SLC12A3: variants seen among roughly 807,000 people sequenced by gnomAD.
SLC12A3 encodes the protein Na-Cl cotransporter.
Under a neutral mutation model 121.0 loss-of-function variants are expected in SLC12A3, and 104 were observed. The ratio of observed to expected loss-of-function variants is 0.86; its 90% CI spans 0.73 to 1.01. SLC12A3 has a LOEUF of 1.01. Ranked by LOEUF, SLC12A3 falls within the 50% of genes least tolerant of loss-of-function variation. The pLI, the probability that SLC12A3 is intolerant of heterozygous loss-of-function variation, is 0.00. For missense variants in SLC12A3, 1,328 were observed against 1,356.3 expected (o/e 0.98, Z 0.33); for synonymous variants, 536 against 533.4 (o/e 1.00, Z -0.07).
intron 25 of SLC12A3, among the ~76,000 whole-genome samples, chr16:56,909,084 C>G (rs1213618268): frequency 8.5e-5 from 13 of 152,198 alleles, no homozygotes; most frequent in Admixed American, 7.9e-4. Context: ...CTCTTTCATG[C>G]TAACATGCTG....
intron 11 of SLC12A3, 62 bp from the exon 12 acceptor site, chr16:56,880,067 GC>G: frequency 6.3e-7 from 1 of 1,586,520 alleles, no homozygotes. Context: ...AGCTCAGGTG[GC>G]CCCAGGGGAG....
chr16:56,866,963 CG>C (rs1964368862), intron 1 of SLC12A3, 106 bp from the exon 2 acceptor site: 8 of 1,463,474 alleles, frequency 5.5e-6, no homozygotes, highest in East Asian at 4.5e-5. Context: ...GCTGAGGGGT[CG>C]GGGGGTGCTC....
intron 19 of SLC12A3, 51 bp downstream of exon 19, chr16:56,890,407 T>C (rs1185701214): frequency 2.0e-6 from 3 of 1,495,462 alleles, no homozygotes. Context: ...ACATTTTTTG[T>C]TTTTAAATGG....
intron 17 of SLC12A3, among the ~76,000 whole-genome samples, chr16:56,887,516 A>G (rs548475081): frequency 6.6e-6 from 1 of 151,704 alleles, no homozygotes; most frequent in African/African-American, 2.4e-5. Flanking sequence ...CAGAGCCCCA[A>G]CTTTCTTATG....
At chr16:56,882,722 C>A (rs537389799) in intron 13 of SLC12A3, among the ~76,000 whole-genome samples, 2 of 152,110 alleles carry the variant, frequency 1.3e-5, no homozygotes, top group South Asian at 4.2e-4. Flanking sequence ...GTGGGCGGAT[C>A]ACTTGAGGTC....
chr16:56,892,240 G>C, intron 20 of SLC12A3, 107 bp downstream of exon 20: 1 of 1,001,108 alleles, frequency 1.0e-6, no homozygotes, highest in Non-Finnish European at 1.6e-6. Context: ...ACTTGGTCGA[G>C]GACAGGTGGT....
chr16:56,884,034 G>T lies in SLC12A3; in HGVS notation c.1670-15G>T, dbSNP rs766086251. 6.2e-7 allele frequency: 1 copy of T among 1,614,066 alleles called. No individual in the cohort carries two copies. Among genetic ancestry groups the T allele is most frequent in the Non-Finnish European group, 8.5e-7 (1 of 1,179,968 alleles). On this transcript the variant is annotated splice_polypyrimidine_tract_variant and intron_variant, in intron 13 of 25. Coordinates refer to ENST00000563236, the MANE Select transcript of SLC12A3 (RefSeq NM_001126108.2). ...GACTGCCAGGCATGCCCACTGACTGGTGCCCTTGGCCCAGGGTGGAGACCT... is the reference window on the plus strand; with the variant it reads ...GACTGCCAGGCATGCCCACTGACTGTTGCCCTTGGCCCAGGGTGGAGACCT...
chr16:56,866,798 G>T (rs1303289252), intron 1 of SLC12A3, among the ~76,000 whole-genome samples: 1 of 152,296 alleles, frequency 6.6e-6, no homozygotes, highest in African/African-American at 2.4e-5. Context: ...AGTAGAGACA[G>T]GGTTTTACCT....
chr16:56,884,131 C>T lies in SLC12A3; in HGVS notation c.1752C>T (p.Leu584=), dbSNP rs1435944214. Residue 584 remains leucine, a synonymous_variant, in exon 14 of 26, where the codon CTC becomes CTT. Coordinates refer to ENST00000563236, the MANE Select transcript of SLC12A3 (RefSeq NM_001126108.2). Reference sequence around the variant, plus strand: ...TCTCCGTGGTCATCATGTTCCTCCTCACCTGGTGGGCGGCCCTCATCGCCA... The same window carrying T: ...TCTCCGTGGTCATCATGTTCCTCCTTACCTGGTGGGCGGCCCTCATCGCCA... ...AIISVVIMFL[L]TWWAALIAIG... The T allele has an allele frequency of 1.9e-6, 3 of 1,614,106 alleles. No homozygotes were observed. The highest frequency in any genetic ancestry group is 2.7e-5 in the African/African-American group (2 of 74,934).
chr16:56,909,946 G>A (rs781242156), intron 25 of SLC12A3, among the ~76,000 whole-genome samples: 11 of 152,196 alleles, frequency 7.2e-5, no homozygotes, highest in East Asian at 3.8e-4. Flanking sequence ...AAATGGCCCC[G>A]GGTTTGAGCT....
rs374803357 is a variant in SLC12A3 at position 56,870,248 on chromosome 16, G to T, written c.741+13G>T. ...GGACCTGCTCCAGGTGAGGCCGGGG[G>T]GCTGGACCCTGGGTAGAGGGATCCG... On this transcript the variant is annotated intron_variant, in intron 5 of 25. Transcript: ENST00000563236. 6.2e-7 allele frequency: 1 copy of T among 1,611,512 alleles called. No individual in the cohort carries two copies.
intron 23 of SLC12A3, among the ~76,000 whole-genome samples, chr16:56,901,161 G>C (rs1441960443): frequency 1.3e-5 from 2 of 152,036 alleles, no homozygotes; most frequent in Non-Finnish European, 2.9e-5. Flanking sequence ...CTGCATCAGG[G>C]GCCCTTCCTC....
intron 8 of SLC12A3, 28 bp from the exon 9 acceptor site, chr16:56,878,049 T>TCCCCCCCCCCCCCC: frequency 6.9e-6 from 2 of 288,258 alleles, no homozygotes; most frequent in Non-Finnish European, 1.3e-5. Flanking sequence ...CCTCCCTCCC[T>TCCCCCCCCCCCCCC]CCCTCCCTCT....
intron 8 of SLC12A3, among the ~76,000 whole-genome samples, chr16:56,875,419 CT>C (rs2055153147): frequency 2.0e-5 from 3 of 152,170 alleles, no homozygotes; most frequent in African/African-American, 7.2e-5. Flanking sequence ...GAGCTAAGGG[CT>C]TCTTGTTATC....
chr16:56,899,469 AC>A, intron 22 of SLC12A3, 60 bp from the exon 23 acceptor site: 3 of 1,312,126 alleles, frequency 2.3e-6, no homozygotes, highest in Middle Eastern at 1.8e-4. Context: ...AGCCTGGGAG[AC>A]AGAGCAAGAC....
chr16:56,878,190 G>T (rs200793069), intron 9 of SLC12A3, 29 bp downstream of exon 9: 2 of 1,556,460 alleles, frequency 1.3e-6, no homozygotes, highest in African/African-American at 1.4e-5. Context: ...CAGTCAGGAG[G>T]GGGAGGGACC....
Position 56,885,419 on chromosome 16 carries a change from C to A in SLC12A3, c.1925+55C>A. Reference sequence around the variant, plus strand: ...ACCCCAGGGCCAGTGATGGCTCCACCCTGGGAGTTTCCAAGCCTAGACCTG... The same window carrying A: ...ACCCCAGGGCCAGTGATGGCTCCACACTGGGAGTTTCCAAGCCTAGACCTG... On this transcript the variant is annotated intron_variant, in intron 15 of 25. Coordinates refer to ENST00000563236, the MANE Select transcript of SLC12A3 (RefSeq NM_001126108.2). 1.7e-6 allele frequency: 2 copies of A among 1,175,906 alleles called. 1 individual carries two copies. The highest frequency in any genetic ancestry group is 2.6e-5 in the South Asian group (2 of 76,650). 72.8% of individuals were successfully genotyped at this position (1,175,906 alleles called of 1,614,324 possible). A position where few individuals can be genotyped will look rare whatever the true frequency, so the allele number is the denominator to read the frequency against.
At chr16:56,873,279 C>A (rs1295011129) in intron 8 of SLC12A3, among the ~76,000 whole-genome samples, 1 of 152,134 alleles carries the variant, frequency 6.6e-6, no homozygotes, top group Admixed American at 6.5e-5. Flanking sequence ...GTTACCTCGT[C>A]CCTCCTCCAC....
intron 23 of SLC12A3, among the ~76,000 whole-genome samples, chr16:56,900,019 C>T (rs528979261): frequency 9.2e-5 from 14 of 152,310 alleles, no homozygotes; most frequent in East Asian, 5.8e-4. Context: ...GGTATAACTC[C>T]GTCTTCTTCA....
Sources: allele counts gnomAD v4.1 joint callset (sites outside exome capture counted in the v4.1 genomes callset), GRCh38; gene constraint gnomAD v4.1.1; transcripts MANE v1.5; gene names NCBI Gene and HGNC (gene_info 2026-07-23, HGNC 2026-07-21).